The following PCDH7 variants were observed in gnomAD, a reference collection of about 807,000 sequenced individuals.
PCDH7 encodes protocadherin 7, also known as protocadherin-7.
PCDH7 carries 17 observed loss-of-function variants against 58.9 expected under a neutral mutation model. The ratio of observed to expected loss-of-function variants is 0.29; its 90% CI spans 0.20 to 0.43. PCDH7 has a LOEUF of 0.43. Ranked by LOEUF, PCDH7 falls within the 20% of genes least tolerant of loss-of-function variation. PCDH7 has a pLI of 1.00. For synonymous variants in PCDH7, 664 were observed against 616.4 expected (o/e 1.08, Z -1.14); for missense variants, 1,274 against 1,441.0 (o/e 0.88, Z 1.88).
chr4:30,808,940 CA>C (rs1726617665), intron 1 of PCDH7, among the ~76,000 whole-genome samples: 1 of 152,066 alleles, frequency 6.6e-6, no homozygotes, highest in African/African-American at 2.4e-5. Flanking sequence ...ACTTTAAAAG[CA>C]AATAAAGCAC....
At chr4:30,739,974 T>C (rs1006326550) in intron 1 of PCDH7, among the ~76,000 whole-genome samples, 1 of 152,250 alleles carries the variant, frequency 6.6e-6, no homozygotes. Flanking sequence ...TTTTAGGCAC[T>C]GGTCAACATA....
chr4:30,737,857 T>A (rs767126964), downstream of PCDH7, among the ~76,000 whole-genome samples: 51 of 152,240 alleles, frequency 3.3e-4, no homozygotes, highest in Non-Finnish European at 5.9e-4. Context: ...TCTATGTGAG[T>A]CTACTCAGGA....
intron 3 of PCDH7, among the ~76,000 whole-genome samples, chr4:31,025,907 G>A (rs187728206): frequency 1.5e-3 from 236 of 152,262 alleles, no homozygotes; most frequent in African/African-American, 5.4e-3. Context: ...AAGTTTCCAG[G>A]ACATACAGAC....
At chr4:30,744,264 T>C (rs1031572228) in intron 1 of PCDH7, among the ~76,000 whole-genome samples, 4 of 152,162 alleles carry the variant, frequency 2.6e-5, no homozygotes, top group African/African-American at 9.6e-5. Flanking sequence ...ACTAACAGAC[T>C]AACAAATTTA....
In PCDH7 at chr4:31,110,263, C is replaced by T. The variant is rs951890312; in HGVS notation, c.*8-32210C>T. 1.4e-4 allele frequency among the ~76,000 whole-genome samples: 22 copies of T among 152,186 alleles called. 1 individual carries two copies. Among genetic ancestry groups the T allele is most frequent in the Admixed American group, 6.5e-5 (1 of 15,290 alleles). On this transcript the variant is annotated intron_variant, in intron 3 of 3. Transcript: ENST00000509759. Reference sequence around the variant, plus strand: ...CACGGACACTCTAGTTCCAAAGTGACAACCTTAACACCCACAGTTTTTATT... The same window carrying T: ...CACGGACACTCTAGTTCCAAAGTGATAACCTTAACACCCACAGTTTTTATT...
At chr4:30,779,909 T>C (rs2109287483) in intron 1 of PCDH7, among the ~76,000 whole-genome samples, 1 of 152,330 alleles carries the variant, frequency 6.6e-6, no homozygotes, top group Non-Finnish European at 1.5e-5. Flanking sequence ...CATTAGCATC[T>C]AGTCTCTGTT....
chr4:31,019,039 A>C (rs1170950541), intron 3 of PCDH7, among the ~76,000 whole-genome samples: 1 of 152,204 alleles, frequency 6.6e-6, no homozygotes, highest in Admixed American at 6.5e-5. Flanking sequence ...TAGTTCAGAA[A>C]TATGTATCAC....
chr4:30,879,798 A>G (rs981086883), intron 1 of PCDH7, among the ~76,000 whole-genome samples: 1 of 152,162 alleles, frequency 6.6e-6, no homozygotes, highest in African/African-American at 2.4e-5. Context: ...AAAACACAGT[A>G]GCATCCCTTG....
chr4:30,944,925 G>A (rs766981388), intron 2 of PCDH7, among the ~76,000 whole-genome samples: 4 of 152,080 alleles, frequency 2.6e-5, no homozygotes, highest in Non-Finnish European at 5.9e-5. Flanking sequence ...GAGCAGGCTT[G>A]TGAAATTTAG....
At chr4:30,978,671 T>C (rs890664253) in intron 3 of PCDH7, among the ~76,000 whole-genome samples, 3 of 152,198 alleles carry the variant, frequency 2.0e-5, no homozygotes, top group African/African-American at 7.2e-5. Flanking sequence ...TTAAAACACC[T>C]ACACCATTAT....
At chr4:30,965,288 G>T (rs887898207) in intron 3 of PCDH7, among the ~76,000 whole-genome samples, 7 of 151,982 alleles carry the variant, frequency 4.6e-5, no homozygotes, top group African/African-American at 1.7e-4. Context: ...AAGCAATTTG[G>T]ATCAAGCAAG....
At chr4:30,983,743 T>G (rs1291807036) in intron 3 of PCDH7, among the ~76,000 whole-genome samples, 1 of 152,246 alleles carries the variant, frequency 6.6e-6, no homozygotes, top group African/African-American at 2.4e-5. Context: ...ATATTTTAAT[T>G]GCATGTTCAG....
downstream of PCDH7, among the ~76,000 whole-genome samples, chr4:30,736,708 T>C (rs1716344110): frequency 6.6e-6 from 1 of 151,828 alleles, no homozygotes. Flanking sequence ...GCTAATTTTT[T>C]TGAGTTTTTA....
At chr4:30,730,604 T>C (rs1480562536) in intron 1 of PCDH7, 1 of 533,444 alleles carries the variant, frequency 1.9e-6, no homozygotes, top group East Asian at 3.4e-5. Flanking sequence ...CCCAAGTGTA[T>C]TTATTATTTA....
At chr4:30,996,464 T>G (rs1427176225) in intron 3 of PCDH7, among the ~76,000 whole-genome samples, 1 of 152,176 alleles carries the variant, frequency 6.6e-6, no homozygotes, top group African/African-American at 2.4e-5. Flanking sequence ...AAAAAAGGGC[T>G]TTGAGACAAA....
intron 1 of PCDH7, among the ~76,000 whole-genome samples, chr4:30,847,052 G>A (rs1294598869): frequency 6.6e-6 from 1 of 151,976 alleles, no homozygotes; most frequent in Non-Finnish European, 1.5e-5. Context: ...GAGCCCAGGA[G>A]GTCAAGGATG....
intron 2 of PCDH7, among the ~76,000 whole-genome samples, chr4:30,936,762 G>C (rs1269628611): frequency 6.6e-6 from 1 of 152,076 alleles, no homozygotes; most frequent in Non-Finnish European, 1.5e-5. Flanking sequence ...AAATTGGGAA[G>C]AGACTAATAG....
intron 3 of PCDH7, among the ~76,000 whole-genome samples, chr4:31,034,663 C>T (rs147206918): frequency 2.4e-4 from 37 of 152,228 alleles, no homozygotes; most frequent in Non-Finnish European, 4.1e-4. Flanking sequence ...AAAAATCTAT[C>T]GTCATTTCAT....
intron 3 of PCDH7, among the ~76,000 whole-genome samples, chr4:31,102,855 G>A (rs1715077599): frequency 6.6e-6 from 1 of 152,084 alleles, no homozygotes; most frequent in African/African-American, 2.4e-5. Context: ...TTTTAGAGAT[G>A]TAATTTAGAT....
Sources: gnomAD v4.1 joint callset for allele counts (sites outside exome capture counted in the v4.1 genomes callset) on GRCh38, gnomAD v4.1.1 for gene constraint, MANE v1.5 for transcripts, NCBI Gene and HGNC (gene_info 2026-07-23, HGNC 2026-07-21) for gene names.